PDE4D: variants seen among roughly 807,000 people sequenced by gnomAD.
The protein encoded by PDE4D is 3',5'-cyclic-AMP phosphodiesterase 4D.
PDE4D carries 24 observed loss-of-function variants against 87.4 expected under a neutral mutation model. The observed-to-expected ratio is 0.27, with a 90% confidence interval of 0.20 to 0.39. PDE4D has a LOEUF of 0.39. PDE4D is among the 10% of genes least tolerant of loss of function. The pLI, the probability that PDE4D is intolerant of heterozygous loss-of-function variation, is 1.00. For missense variants in PDE4D, 714 were observed against 1,041.0 expected, an observed-to-expected ratio of 0.69 and a Z score of 4.32; for synonymous variants, 384 against 383.2, an observed-to-expected ratio of 1.00 and a Z score of -0.02.
intron 1 of PDE4D, among the ~76,000 whole-genome samples, chr5:59,295,686 A>C (rs2153557757): frequency 6.6e-6 from 1 of 152,232 alleles, no homozygotes; most frequent in South Asian, 2.1e-4. Flanking sequence ...TTTTCATCAG[A>C]GAGTAAGCAA....
At chr5:59,717,829 T>A (rs1185767554) in intron 1 of PDE4D, among the ~76,000 whole-genome samples, 2 of 152,234 alleles carry the variant, frequency 1.3e-5, no homozygotes, top group Admixed American at 6.5e-5. Flanking sequence ...TATACATATA[T>A]GTACTCATTC....
At chr5:59,635,117 C>A (rs1374546934) in intron 1 of PDE4D, among the ~76,000 whole-genome samples, 1 of 152,148 alleles carries the variant, frequency 6.6e-6, no homozygotes, top group Non-Finnish European at 1.5e-5. Context: ...CACCTCTACA[C>A]AAATAAACTA....
intron 1 of PDE4D, among the ~76,000 whole-genome samples, chr5:59,321,856 A>G (rs1774783602): frequency 6.6e-6 from 1 of 152,122 alleles, no homozygotes; most frequent in Non-Finnish European, 1.5e-5. Context: ...AATAGAGTAC[A>G]CGCATGCGCA....
At chr5:59,839,829 T>C (rs1202983472) in intron 1 of PDE4D, among the ~76,000 whole-genome samples, 1 of 152,038 alleles carries the variant, frequency 6.6e-6, no homozygotes, top group Non-Finnish European at 1.5e-5. Context: ...GTAGCTTGCA[T>C]CCATAGAAAT....
intron 11 of PDE4D, among the ~76,000 whole-genome samples, chr5:58,980,605 A>G (rs986077199): frequency 6.6e-6 from 1 of 151,594 alleles, no homozygotes; most frequent in African/African-American, 2.4e-5. Context: ...TCAAGAATAA[A>G]TTAAATTATG....
At chr5:59,571,853 T>A (rs1377129793) in intron 1 of PDE4D, among the ~76,000 whole-genome samples, 1 of 152,238 alleles carries the variant, frequency 6.6e-6, no homozygotes, top group Admixed American at 6.5e-5. Flanking sequence ...AGGGGGATAA[T>A]ATATAATAGC....
At chr5:59,499,133 A>G (rs1242609196) in intron 1 of PDE4D, among the ~76,000 whole-genome samples, 1 of 152,108 alleles carries the variant, frequency 6.6e-6, no homozygotes, top group Non-Finnish European at 1.5e-5. Flanking sequence ...AAACCACACA[A>G]ATACAGGAAA....
intron 5 of PDE4D, among the ~76,000 whole-genome samples, chr5:59,141,353 AT>A (rs780135720): frequency 6.6e-6 from 1 of 152,180 alleles, no homozygotes; most frequent in Non-Finnish European, 1.5e-5. Flanking sequence ...TTTAGGCCAC[AT>A]TTGTTTTGTT....
At chr5:59,610,538 A>G (rs555694215) in intron 1 of PDE4D, among the ~76,000 whole-genome samples, 48 of 152,306 alleles carry the variant, frequency 3.2e-4, no homozygotes, top group African/African-American at 1.0e-3. Flanking sequence ...CAACTGCCAC[A>G]TGTTTTTAGA....
intron 5 of PDE4D, among the ~76,000 whole-genome samples, chr5:59,079,782 G>A (rs1766353866): frequency 6.7e-6 from 1 of 150,042 alleles, no homozygotes; most frequent in Non-Finnish European, 1.5e-5. Flanking sequence ...CAAGGCTGCA[G>A]TAAGCTATGA....
chr5:58,997,005 G>A (rs1201476906), intron 6 of PDE4D, among the ~76,000 whole-genome samples: 1 of 151,974 alleles, frequency 6.6e-6, no homozygotes, highest in Non-Finnish European at 1.5e-5. Flanking sequence ...CCCTACCAAG[G>A]CTTATAAGGG....
At chr5:59,561,564 A>C (rs1819984729) in intron 1 of PDE4D, among the ~76,000 whole-genome samples, 1 of 152,244 alleles carries the variant, frequency 6.6e-6, no homozygotes, top group Non-Finnish European at 1.5e-5. Flanking sequence ...AGTTTAAAGA[A>C]GAGGGTGTAC....
intron 3 of PDE4D, among the ~76,000 whole-genome samples, chr5:59,975,640 A>G (rs2152821126): frequency 6.6e-6 from 1 of 152,264 alleles, no homozygotes; most frequent in Admixed American, 6.5e-5. Context: ...TTGCCTTTTC[A>G]GTGTTTATAT....
At chr5:60,106,512 T>C (rs963554481) in intron 2 of PDE4D, among the ~76,000 whole-genome samples, 28 of 152,084 alleles carry the variant, frequency 1.8e-4, no homozygotes, top group African/African-American at 6.8e-4. Context: ...GCAGACCTAA[T>C]AGACATATAC....
At chr5:59,172,165 A>T (rs1302912741) in intron 5 of PDE4D, among the ~76,000 whole-genome samples, 1 of 103,948 alleles carries the variant, frequency 9.6e-6, no homozygotes, top group Non-Finnish European at 1.7e-5. Context: ...ATATTTATAT[A>T]ATATATGTAT....
chr5:58,984,622 A>G (rs1465641275), intron 11 of PDE4D, among the ~76,000 whole-genome samples: 1 of 152,212 alleles, frequency 6.6e-6, no homozygotes, highest in African/African-American at 2.4e-5. Flanking sequence ...GAGAAATAAA[A>G]AAGTGTATAC....
intron 1 of PDE4D, among the ~76,000 whole-genome samples, chr5:59,818,218 A>G (rs1429473033): frequency 2.0e-5 from 3 of 152,236 alleles, no homozygotes; most frequent in Non-Finnish European, 4.4e-5. Flanking sequence ...GAGGAAATGT[A>G]TAATTGGTGA....
chr5:59,290,315 T>C (rs545749953), intron 1 of PDE4D, among the ~76,000 whole-genome samples: 1 of 152,050 alleles, frequency 6.6e-6, no homozygotes, highest in African/African-American at 2.4e-5. Flanking sequence ...GCCAAGTATA[T>C]ACTTTGGGAA....
intron 5 of PDE4D, among the ~76,000 whole-genome samples, chr5:59,125,660 C>T (rs1184443735): frequency 6.6e-6 from 1 of 152,064 alleles, no homozygotes; most frequent in Admixed American, 6.6e-5. Flanking sequence ...AGTCTTTCTT[C>T]GTTTTTCACT....
Sources: allele counts gnomAD v4.1 joint callset (sites outside exome capture counted in the v4.1 genomes callset), GRCh38; gene constraint gnomAD v4.1.1; transcripts MANE v1.5; gene names NCBI Gene and HGNC (gene_info 2026-07-23, HGNC 2026-07-21).